PLPPR1: variants seen among roughly 807,000 people sequenced by gnomAD.
PLPPR1 encodes the protein phospholipid phosphatase related 1.
PLPPR1 carries 10 observed loss-of-function variants against 33.1 expected under a neutral mutation model. That is an observed-to-expected ratio of 0.30 (90% confidence interval 0.19 to 0.51). PLPPR1 has a LOEUF of 0.51. Ranked by LOEUF, PLPPR1 falls within the 20% of genes least tolerant of loss-of-function variation. The probability of loss-of-function intolerance (pLI) is 0.97; values close to 1 mark genes in which losing one functional copy is unlikely to be tolerated. For synonymous variants in PLPPR1, 151 were observed against 151.0 expected, an observed-to-expected ratio of 1.00 and a Z score of 0.00; for missense variants, 304 against 408.1, an observed-to-expected ratio of 0.74 and a Z score of 2.20.
chr9:101,180,779 A>G (rs62575742), intron 1 of PLPPR1, among the ~76,000 whole-genome samples: 56,644 of 151,670 alleles, frequency 0.37, 11,120 homozygotes, highest in Non-Finnish European at 0.42. Context: ...CCGAAACTGT[A>G]AAACTACAAG....
At chr9:101,107,678 C>T (rs1377542258) in intron 1 of PLPPR1, among the ~76,000 whole-genome samples, 2 of 88,884 alleles carry the variant, frequency 2.3e-5, no homozygotes, top group East Asian at 7.0e-4. Context: ...GGGCTCCACC[C>T]AGTTCGAGCT....
intron 1 of PLPPR1, among the ~76,000 whole-genome samples, chr9:101,160,888 T>C (rs1432937210): frequency 6.6e-6 from 1 of 152,170 alleles, no homozygotes; most frequent in African/African-American, 2.4e-5. Flanking sequence ...ATCACTTTAG[T>C]GTGACAAGTT....
In PLPPR1 at chr9:101,237,579, T is replaced by C. The variant is rs552490538; in HGVS notation, c.64-32301T>C. Among the ~76,000 whole-genome samples, 3 of 149,902 alleles carry C rather than the reference T, an allele frequency of 2.0e-5. No individual in the cohort carries two copies. In the South Asian group the frequency reaches 6.3e-4, roughly 31 times the overall value. ...CCTATATATACATATAGGCTATATA[T>C]ATATTCCATTGTGTATTCCATTTTA... On this transcript the variant is annotated intron_variant, in intron 2 of 7. Transcript: ENST00000374874.
At chr9:101,113,488 C>T (rs903205784) in intron 1 of PLPPR1, among the ~76,000 whole-genome samples, 1 of 152,016 alleles carries the variant, frequency 6.6e-6, no homozygotes, top group African/African-American at 2.4e-5. Flanking sequence ...AATTTATCTT[C>T]CCAAGATCTT....
intron 2 of PLPPR1, among the ~76,000 whole-genome samples, chr9:101,261,448 C>T (rs1183639377): frequency 6.6e-6 from 1 of 152,124 alleles, no homozygotes; most frequent in Admixed American, 6.6e-5. Flanking sequence ...TGCCTGTGGG[C>T]ACCTCTTTAG....
chr9:101,145,563 G>A (rs528901868), intron 1 of PLPPR1, among the ~76,000 whole-genome samples: 1 of 151,894 alleles, frequency 6.6e-6, no homozygotes, highest in Non-Finnish European at 1.5e-5. Context: ...TGTGTTTTTA[G>A]TAGAGACGGG....
chr9:101,037,909 G>A (rs747585023), intron 1 of PLPPR1, among the ~76,000 whole-genome samples: 1 of 138,730 alleles, frequency 7.2e-6, no homozygotes, highest in Admixed American at 7.7e-5. Flanking sequence ...GACAGTTCCT[G>A]GCCAGGCTAG....
chr9:101,200,932 T>C (rs1826481220), intron 2 of PLPPR1, among the ~76,000 whole-genome samples: 1 of 152,208 alleles, frequency 6.6e-6, no homozygotes, highest in Non-Finnish European at 1.5e-5. Context: ...AATCTGTTTG[T>C]GCTGCTATAA....
chr9:101,324,746 G>T lies in PLPPR1; in HGVS notation c.*689G>T, dbSNP rs1453564010. The T allele has an allele frequency of 1.3e-5, 2 of 152,562 alleles. No homozygotes were observed. Among genetic ancestry groups the T allele is most frequent in the Non-Finnish European group, 2.9e-5 (2 of 68,020 alleles). The allele number at this position is 152,562 out of a possible 1,614,324, so 9.5% of individuals were successfully genotyped here. A position where few individuals can be genotyped will look rare whatever the true frequency, so the allele number is the denominator to read the frequency against. ...TTCTGGAATGTCTTCTGGCAGGCAG[G>T]TGCCACTGTCAGCTTTTCTCCAAAA... On this transcript the variant is annotated 3_prime_UTR_variant, in exon 8 of 8. Coordinates refer to ENST00000374874, the MANE Select transcript of PLPPR1 (RefSeq NM_207299.2).
chr9:101,251,455 A>G (rs1365207540), intron 2 of PLPPR1, among the ~76,000 whole-genome samples: 1 of 152,022 alleles, frequency 6.6e-6, no homozygotes, highest in Non-Finnish European at 1.5e-5. Context: ...ATTGTACCAA[A>G]TCTGATTTTT....
At chr9:101,308,490 T>C (rs1374867673) in intron 4 of PLPPR1, among the ~76,000 whole-genome samples, 1 of 152,244 alleles carries the variant, frequency 6.6e-6, no homozygotes. Flanking sequence ...CTGAAGGGGA[T>C]ACATTTGTGT....
Position 101,304,739 on chromosome 9 carries a change from C to G in PLPPR1, c.386-4472C>G, listed in dbSNP as rs560130351. On this transcript the variant is annotated intron_variant, in intron 4 of 7. Coordinates refer to ENST00000374874, the MANE Select transcript of PLPPR1 (RefSeq NM_207299.2). ...AGCTTGAAAGCAGACGTACACAGCCCCAAGTCCAGTCCCTAGTTAGCAGGC... is the reference window on the plus strand; with the variant it reads ...AGCTTGAAAGCAGACGTACACAGCCGCAAGTCCAGTCCCTAGTTAGCAGGC... Among the ~76,000 whole-genome samples the G allele has an allele frequency of 5.4e-4, 82 of 152,294 alleles. 1 individual carries two copies. Among genetic ancestry groups the G allele is most frequent in the Admixed American group, 4.1e-3 (63 of 15,288 alleles).
At chr9:101,244,748 T>A (rs1435736659) in intron 2 of PLPPR1, among the ~76,000 whole-genome samples, 1 of 151,748 alleles carries the variant, frequency 6.6e-6, no homozygotes, top group East Asian at 1.9e-4. Flanking sequence ...AAACCAAAAA[T>A]TTTTATTCAT....
chr9:101,255,331 G>A (rs1054463529), intron 2 of PLPPR1, among the ~76,000 whole-genome samples: 1 of 152,076 alleles, frequency 6.6e-6, no homozygotes, highest in Admixed American at 6.6e-5. Flanking sequence ...GCTCTCATAA[G>A]ATGGCACAAC....
chr9:101,286,307 A>C, intron 4 of PLPPR1, 71 bp downstream of exon 4: 1 of 1,408,264 alleles, frequency 7.1e-7, no homozygotes, highest in Non-Finnish European at 9.7e-7. Context: ...CACTTGGTAA[A>C]ATAAACTATG....
intron 1 of PLPPR1, among the ~76,000 whole-genome samples, chr9:101,159,147 T>A (rs1282364394): frequency 6.6e-6 from 1 of 152,202 alleles, no homozygotes; most frequent in African/African-American, 2.4e-5. Flanking sequence ...CTTATTTGAT[T>A]TAAAATAATC....
At chr9:101,171,247 A>G (rs1825937532) in intron 1 of PLPPR1, among the ~76,000 whole-genome samples, 1 of 152,138 alleles carries the variant, frequency 6.6e-6, no homozygotes, top group Non-Finnish European at 1.5e-5. Flanking sequence ...AGCCATAGGA[A>G]CAAAGCTGAA....
chr9:101,216,550 C>A (rs1826799094), intron 2 of PLPPR1, among the ~76,000 whole-genome samples: 1 of 152,246 alleles, frequency 6.6e-6, no homozygotes, highest in East Asian at 1.9e-4. Context: ...TCCCATTTGA[C>A]AGAGCTGTTT....
intron 1 of PLPPR1, among the ~76,000 whole-genome samples, chr9:101,146,080 T>C (rs1006231065): frequency 1.3e-5 from 2 of 152,276 alleles, no homozygotes; most frequent in Middle Eastern, 3.4e-3. Flanking sequence ...ACTATTTAGA[T>C]AAAATTAATT....
Sources: allele counts gnomAD v4.1 joint callset (sites outside exome capture counted in the v4.1 genomes callset), GRCh38; gene constraint gnomAD v4.1.1; transcripts MANE v1.5; gene names NCBI Gene and HGNC (gene_info 2026-07-23, HGNC 2026-07-21).